Variants in MKLN1 observed in about 807,000 individuals in gnomAD.
MKLN1 encodes muskelin 1, also known as muskelin.
In MKLN1, 18 loss-of-function variants were observed where a neutral mutation model predicts 99.0. The observed-to-expected ratio is 0.18, with a 90% CI of 0.13 to 0.27. The LOEUF is 0.27. MKLN1 is among the 10% of genes least tolerant of loss of function. The pLI, the probability that MKLN1 is intolerant of heterozygous loss-of-function variation, is 1.00. For synonymous variants in MKLN1, 288 were observed against 293.2 expected (o/e 0.98, Z 0.18); for missense variants, 621 against 875.9 (o/e 0.71, Z 3.67).
At position 131,181,660 on chromosome 7, in the gene MKLN1, ATTTT is replaced by A. The variant is rs3078424; in HGVS notation, c.-296-21183_-296-21180del. On this transcript the variant is annotated intron_variant, in intron 2 of 7. Transcript: ENST00000416992. ...GCCAACATGGTGAAACCTCATCCCTATTTTTTTTTTTTTTTTTGAGATGGAGTCT... is the reference window on the plus strand; with the variant it reads ...GCCAACATGGTGAAACCTCATCCCTATTTTTTTTTTTTTGAGATGGAGTCT... 8.1e-5 allele frequency among the ~76,000 whole-genome samples: 11 copies of A among 135,942 alleles called. No homozygotes were observed. In the East Asian group the frequency reaches 2.4e-3, roughly 29 times the overall value. 89.2% of individuals were successfully genotyped at this position (135,942 alleles called of 152,430 possible). A position where few individuals can be genotyped will look rare whatever the true frequency, so the allele number is the denominator to read the frequency against.
intron 17 of MKLN1, among the ~76,000 whole-genome samples, chr7:131,483,670 G>T (rs1418882226): frequency 1.3e-5 from 2 of 152,166 alleles, no homozygotes; most frequent in Non-Finnish European, 2.9e-5. Context: ...ACATTTGGGG[G>T]CCATTTTAAA....
At chr7:131,463,947 C>A (rs1365192335) in intron 13 of MKLN1, among the ~76,000 whole-genome samples, 1 of 152,134 alleles carries the variant, frequency 6.6e-6, no homozygotes, top group Admixed American at 6.5e-5. Context: ...CTAAATAGGA[C>A]ATTTATTTAC....
At chr7:131,406,341 A>G (rs1794706896) in intron 6 of MKLN1, among the ~76,000 whole-genome samples, 1 of 151,982 alleles carries the variant, frequency 6.6e-6, no homozygotes, top group Admixed American at 6.5e-5. Context: ...TGATTAGTTT[A>G]GAAATTGCAA....
intron 4 of MKLN1, among the ~76,000 whole-genome samples, chr7:131,392,599 CCT>C (rs1231536601): frequency 6.6e-6 from 1 of 150,622 alleles, no homozygotes; most frequent in East Asian, 1.9e-4. Flanking sequence ...TCTCTCAGAA[CCT>C]CTTTTTTTTT....
At chr7:131,396,617 G>T (rs1305184542) in intron 4 of MKLN1, among the ~76,000 whole-genome samples, 2 of 151,768 alleles carry the variant, frequency 1.3e-5, no homozygotes, top group East Asian at 3.9e-4. Context: ...GCCTTATATT[G>T]CTTATATATT....
chr7:131,433,554 A>G (rs1223436190), intron 9 of MKLN1, among the ~76,000 whole-genome samples: 1 of 152,312 alleles, frequency 6.6e-6, no homozygotes, highest in East Asian at 1.9e-4. Context: ...TGGTTATACC[A>G]TTTTATACTT....
At chr7:131,344,951 A>G (rs1293021890) in intron 1 of MKLN1, among the ~76,000 whole-genome samples, 1 of 151,936 alleles carries the variant, frequency 6.6e-6, no homozygotes, top group South Asian at 2.1e-4. Context: ...ACAGGCACGC[A>G]CCACTGCGCC....
chr7:131,367,675 C>A (rs1179981142), intron 1 of MKLN1, among the ~76,000 whole-genome samples: 4 of 152,092 alleles, frequency 2.6e-5, no homozygotes, highest in Non-Finnish European at 4.4e-5. Flanking sequence ...TTTTATTATT[C>A]TTACCTGGTA....
chr7:131,266,452 A>C (rs1797810271), intron 3 of MKLN1, among the ~76,000 whole-genome samples: 1 of 152,220 alleles, frequency 6.6e-6, no homozygotes, highest in Admixed American at 6.5e-5. Flanking sequence ...ATAAATACTT[A>C]CTATGTTTTC....
At chr7:131,330,463 G>A (rs781201739) in intron 1 of MKLN1, among the ~76,000 whole-genome samples, 98 of 152,178 alleles carry the variant, frequency 6.4e-4, no homozygotes, top group Non-Finnish European at 9.7e-4. Context: ...AATCCTTACC[G>A]CAATCCCAAG....
In MKLN1 at chr7:131,236,532, C is replaced by A. The variant is rs145070305; in HGVS notation, c.-179+33558C>A. Among the ~76,000 whole-genome samples, 348 of 151,670 alleles carry A rather than the reference C, an allele frequency of 2.3e-3. 1 individual carries two copies. The highest frequency in any genetic ancestry group is 8.0e-3 in the African/African-American group (330 of 41,376). Reference sequence around the variant, plus strand: ...AAAAATTAGCTGGGCATGGAGGTGCCCACCTGTAGTCCTAGCTAATAGGGA... The same window carrying A: ...AAAAATTAGCTGGGCATGGAGGTGCACACCTGTAGTCCTAGCTAATAGGGA... On this transcript the variant is annotated intron_variant, in intron 3 of 7. Coordinates refer to the MKLN1 transcript ENST00000416992.
chr7:131,373,271 C>G (rs966568339), intron 1 of MKLN1, among the ~76,000 whole-genome samples: 2 of 151,910 alleles, frequency 1.3e-5, no homozygotes, highest in African/African-American at 2.4e-5. Flanking sequence ...ATATGTTTAT[C>G]TTAATCTCCA....
chr7:131,419,490 C>T (rs2116376677), intron 8 of MKLN1, among the ~76,000 whole-genome samples: 1 of 152,100 alleles, frequency 6.6e-6, no homozygotes, highest in East Asian at 1.9e-4. Context: ...GATCATCCTG[C>T]CTTGGCCTCC....
intron 17 of MKLN1, among the ~76,000 whole-genome samples, chr7:131,482,814 G>A (rs1797162754): frequency 6.6e-6 from 1 of 152,106 alleles, no homozygotes; most frequent in Admixed American, 6.5e-5. Context: ...ACTTACTGTG[G>A]GGCCAAGTGC....
intron 4 of MKLN1, 41 bp from the exon 5 acceptor site, chr7:131,397,226 G>A: frequency 7.8e-7 from 1 of 1,282,172 alleles, no homozygotes; most frequent in South Asian, 1.2e-5. Flanking sequence ...TTTGAACTGT[G>A]TTAATATTTT....
intron 10 of MKLN1, among the ~76,000 whole-genome samples, chr7:131,442,549 G>C (rs999090850): frequency 6.7e-6 from 1 of 148,328 alleles, no homozygotes; most frequent in East Asian, 2.0e-4. Flanking sequence ...TTCTGTCTAG[G>C]AAAAAAAAAC....
chr7:131,453,380 T>C (rs1422801536), intron 12 of MKLN1, among the ~76,000 whole-genome samples: 1 of 152,144 alleles, frequency 6.6e-6, no homozygotes, highest in Non-Finnish European at 1.5e-5. Flanking sequence ...GAGAATTTAG[T>C]ATATGGTAAA....
At chr7:131,281,191 G>A (rs1798045860) in intron 3 of MKLN1, among the ~76,000 whole-genome samples, 1 of 150,926 alleles carries the variant, frequency 6.6e-6, no homozygotes, top group African/African-American at 2.4e-5. Context: ...TTAGGCCTAT[G>A]ATCCATTTTG....
At chr7:131,422,669 A>G (rs574744468) in intron 8 of MKLN1, among the ~76,000 whole-genome samples, 1 of 152,104 alleles carries the variant, frequency 6.6e-6, no homozygotes. Flanking sequence ...GGTGTCTCAT[A>G]TACCTTGTTT....
Sources: gnomAD v4.1 joint callset for allele counts (sites outside exome capture counted in the v4.1 genomes callset) on GRCh38, gnomAD v4.1.1 for gene constraint, MANE v1.5 for transcripts, NCBI Gene and HGNC (gene_info 2026-07-23, HGNC 2026-07-21) for gene names.